Variants in RNF150 observed in about 807,000 individuals in gnomAD.
The protein encoded by RNF150 is ring finger protein 150.
In RNF150, 24 loss-of-function variants were observed where a neutral mutation model predicts 39.3. The ratio of observed to expected loss-of-function variants is 0.61; its 90% confidence interval spans 0.44 to 0.86. The LOEUF is 0.86. RNF150 is among the 40% of genes least tolerant of loss of function. The pLI, the probability that RNF150 is intolerant of heterozygous loss-of-function variation, is 0.00. For synonymous variants in RNF150, 255 were observed against 227.3 expected, an observed-to-expected ratio of 1.12 and a Z score of -1.10; for missense variants, 502 against 587.8, an observed-to-expected ratio of 0.85 and a Z score of 1.51.
chr4:140,982,932 A>G (rs1733907419), intron 1 of RNF150, among the ~76,000 whole-genome samples: 1 of 152,170 alleles, frequency 6.6e-6, no homozygotes, highest in African/African-American at 2.4e-5. Flanking sequence ...TAAGCATTAT[A>G]GACTTGTTCT....
intron 1 of RNF150, among the ~76,000 whole-genome samples, chr4:141,185,009 C>T (rs1727979450): frequency 4.7e-5 from 1 of 21,288 alleles, no homozygotes; most frequent in South Asian, 9.4e-3. Flanking sequence ...GCTATACAGG[C>T]TCATTTTTTT....
Position 141,148,071 on chromosome 4 carries a change from TAAC to T in RNF150, c.-6+64720_-6+64722del, listed in dbSNP as rs763146068. Among the ~76,000 whole-genome samples, 10 of 152,314 alleles carry T rather than the reference TAAC, an allele frequency of 6.6e-5. No homozygotes were observed. The East Asian group carries it at 9.6e-4, about 15-fold the overall frequency. On this transcript the variant is annotated intron_variant, in intron 1 of 7. Coordinates refer to the RNF150 transcript ENST00000420921. ...ATAATAATTGGCTTATTAAAATTAT[TAAC>T]AAAAGATTATTTAAATTACTAATAA...
intron 1 of RNF150, among the ~76,000 whole-genome samples, chr4:141,107,720 C>T (rs1449210829): frequency 2.0e-5 from 3 of 152,178 alleles, no homozygotes; most frequent in Non-Finnish European, 4.4e-5. Context: ...TATCTGTATA[C>T]TACCCTCCTC....
chr4:141,093,365 C>CAA (rs71584393), intron 1 of RNF150, among the ~76,000 whole-genome samples: 35 of 80,028 alleles, frequency 4.4e-4, no homozygotes, highest in Admixed American at 1.8e-3. Flanking sequence ...GACTCCATCT[C>CAA]AAAAAAAAAA....
intron 1 of RNF150, among the ~76,000 whole-genome samples, chr4:141,130,985 A>G (rs1206122907): frequency 1.3e-5 from 2 of 152,166 alleles, no homozygotes; most frequent in African/African-American, 4.8e-5. Flanking sequence ...TTAACACACT[A>G]CATTTTTCTG....
intron 1 of RNF150, among the ~76,000 whole-genome samples, chr4:141,075,855 C>T (rs1737877464): frequency 6.6e-6 from 1 of 152,218 alleles, no homozygotes; most frequent in Non-Finnish European, 1.5e-5. Context: ...ACAGTGTACA[C>T]TGCTCAGGTG....
upstream of RNF150, among the ~76,000 whole-genome samples, chr4:141,138,290 A>G (rs1727059070): frequency 1.3e-5 from 2 of 152,136 alleles, no homozygotes; most frequent in Admixed American, 6.5e-5. Flanking sequence ...TTTTACATTA[A>G]TTGATTGGTG....
At chr4:140,994,340 G>T (rs115091181) in intron 1 of RNF150, among the ~76,000 whole-genome samples, 153 of 152,338 alleles carry the variant, frequency 1.0e-3, no homozygotes, top group African/African-American at 3.4e-3. Context: ...GACAGAAGGG[G>T]TGCTCAAAGT....
In RNF150 at chr4:141,178,268, G is replaced by GCACACA. The variant is rs576196884; in HGVS notation, c.-6+34525_-6+34526insTGTGTG. On this transcript the variant is annotated intron_variant, in intron 1 of 7. Coordinates refer to the RNF150 transcript ENST00000420921. ...TATGTGTGTGTGTGTGTGTGCGTGC[G>GCACACA]CATGCACACACATGCTATTTTCTCT... Among the ~76,000 whole-genome samples, 362 of 152,094 alleles carry GCACACA rather than the reference G, an allele frequency of 2.4e-3. 5 individuals carry two copies. Among genetic ancestry groups the GCACACA allele is most frequent in the African/African-American group, 8.3e-3 (343 of 41,506 alleles).
At chr4:141,075,806 T>A (rs777729699) in intron 1 of RNF150, among the ~76,000 whole-genome samples, 2 of 152,144 alleles carry the variant, frequency 1.3e-5, no homozygotes, top group Non-Finnish European at 2.9e-5. Context: ...GAAGATAATT[T>A]TCTCAGTGGG....
chr4:140,917,091 C>G (rs975325220), intron 5 of RNF150, among the ~76,000 whole-genome samples: 7 of 152,244 alleles, frequency 4.6e-5, no homozygotes, highest in African/African-American at 1.7e-4. Flanking sequence ...CAAAAACATG[C>G]CAAATTGTAA....
intron 1 of RNF150, among the ~76,000 whole-genome samples, chr4:141,000,781 G>T (rs138798822): frequency 8.1e-4 from 123 of 152,282 alleles, no homozygotes; most frequent in African/African-American, 2.9e-3. Flanking sequence ...TGTGGATTTT[G>T]TTGGGAGGGA....
At chr4:141,072,671 G>A (rs1302838011) in intron 1 of RNF150, among the ~76,000 whole-genome samples, 2 of 152,106 alleles carry the variant, frequency 1.3e-5, no homozygotes, top group Non-Finnish European at 2.9e-5. Context: ...TGAAAATTGT[G>A]AATTATAACA....
rs943534832 is a variant in RNF150, at chr4:140,864,315, T to G, written c.*3946A>C. The G allele has an allele frequency of 6.6e-6, 1 of 152,156 alleles. No homozygotes were observed. Among genetic ancestry groups the G allele is most frequent in the Non-Finnish European group, 1.5e-5 (1 of 68,064 alleles). The allele number at this position is 152,156 out of a possible 1,614,324, so 9.4% of individuals were successfully genotyped here. A position where few individuals can be genotyped will look rare whatever the true frequency, so the allele number is the denominator to read the frequency against. The stretch of plus-strand genomic sequence containing the variant: ...TATCTAACCCTAGAGATTAAGTCAA[T>G]GTTCAAAAGCTGTATTCATAGTCAG... On this transcript the variant is annotated 3_prime_UTR_variant, in exon 7 of 7. Transcript: ENST00000515673.
intron 1 of RNF150, among the ~76,000 whole-genome samples, chr4:141,152,489 T>G (rs1727318946): frequency 6.6e-6 from 1 of 152,202 alleles, no homozygotes; most frequent in Non-Finnish European, 1.5e-5. Context: ...AAACATAAAG[T>G]GCCATCCATG....
intron 1 of RNF150, among the ~76,000 whole-genome samples, chr4:141,145,898 G>T (rs1303931672): frequency 6.6e-6 from 1 of 152,126 alleles, no homozygotes; most frequent in Admixed American, 6.5e-5. Context: ...GTGTCTCAGG[G>T]TATCATTGTG....
At chr4:141,092,177 C>G (rs1172358431) in intron 1 of RNF150, among the ~76,000 whole-genome samples, 1 of 152,080 alleles carries the variant, frequency 6.6e-6, no homozygotes, top group Non-Finnish European at 1.5e-5. Context: ...AACCCTGTCT[C>G]TATTAAAAAT....
At chr4:140,944,687 C>A (rs1456841792) in intron 4 of RNF150, 1 of 151,970 alleles carries the variant, frequency 6.6e-6, no homozygotes, top group Non-Finnish European at 1.5e-5. Flanking sequence ...AAGAGATGCA[C>A]CAAGAATGTC....
intron 5 of RNF150, among the ~76,000 whole-genome samples, chr4:140,921,469 ATAAT>A (rs1466278116): frequency 5.3e-5 from 8 of 152,206 alleles, no homozygotes; most frequent in Admixed American, 2.0e-4. Flanking sequence ...AATTGAGGCA[ATAAT>A]TAATAGCCCA....
Sources: allele counts gnomAD v4.1 joint callset (sites outside exome capture counted in the v4.1 genomes callset), GRCh38; gene constraint gnomAD v4.1.1; transcripts MANE v1.5; gene names NCBI Gene and HGNC (gene_info 2026-07-23, HGNC 2026-07-21).